The following MKRN2OS variants were observed in gnomAD, a reference collection of about 807,000 sequenced individuals.
MKRN2OS encodes MKRN2 opposite strand protein.
In MKRN2OS, 17 loss-of-function variants were observed where a neutral mutation model predicts 18.2. That is an observed-to-expected ratio of 0.93 (90% CI 0.64 to 1.40). The LOEUF is 1.40. Ranked by LOEUF, MKRN2OS falls within the 40% of genes most tolerant of loss-of-function variation. The pLI is 0.00. For missense variants in MKRN2OS, 337 were observed against 283.0 expected, an observed-to-expected ratio of 1.19 and a Z score of -1.37; for synonymous variants, 121 against 108.5, an observed-to-expected ratio of 1.12 and a Z score of -0.72.
At chr3:12,547,654 T>A (rs914222633), upstream of MKRN2OS, among the ~76,000 whole-genome samples, 1 of 152,224 alleles carries the variant, frequency 6.6e-6, no homozygotes, top group African/African-American at 2.4e-5. Flanking sequence ...TCATTTCAGA[T>A]TTCATGGGAA....
At chr3:12,541,526 T>A (rs2057813120) in intron 3 of MKRN2OS, among the ~76,000 whole-genome samples, 2 of 151,938 alleles carry the variant, frequency 1.3e-5, no homozygotes, top group Admixed American at 1.3e-4. Flanking sequence ...GCCTGAATAT[T>A]GTTTTTTTTA....
In MKRN2OS at chr3:12,543,243, G is replaced by C; in HGVS notation, c.219-14C>G. ...CCATCATACTCTCTGAAAGAAACAAGGTTTGTTTTTTTTTGGTTTGCATGT... is the reference window on the plus strand; with the variant it reads ...CCATCATACTCTCTGAAAGAAACAACGTTTGTTTTTTTTTGGTTTGCATGT... On this transcript the variant is annotated splice_polypyrimidine_tract_variant and intron_variant, in intron 1 of 3. Transcript: ENST00000564146. The C allele has an allele frequency of 6.6e-7, 1 of 1,526,370 alleles. No homozygotes were observed. The highest frequency in any genetic ancestry group is 8.7e-7 in the Non-Finnish European group (1 of 1,143,956). The allele number at this position is 1,526,370 out of a possible 1,614,324, so 94.6% of individuals were successfully genotyped here.
Position 12,540,446 on chromosome 3 carries a change from A to C in MKRN2OS, c.432-13T>G. The C allele has an allele frequency of 1.3e-6, 2 of 1,535,822 alleles. No individual in the cohort carries two copies. The highest frequency in any genetic ancestry group is 1.7e-6 in the Non-Finnish European group (2 of 1,146,782). ...GTTGTCTTCATACCTTATGGAGGAG[A>C]ATAAGGGTGTTGAGAAGAAAAGGCT... is the stretch of plus-strand genomic sequence containing the variant. On this transcript the variant is annotated splice_polypyrimidine_tract_variant and intron_variant, in intron 3 of 3. Transcript: ENST00000564146.
chr3:12,541,835 G>C lies in MKRN2OS; in HGVS notation c.431+25C>G, dbSNP rs1052927583. 5 of 1,530,536 alleles carry C rather than the reference G, an allele frequency of 3.3e-6. No homozygotes were observed. In the African/African-American group the frequency reaches 4.1e-5, roughly 13 times the overall value. 94.8% of individuals were successfully genotyped at this position (1,530,536 alleles called of 1,614,324 possible). A position where few individuals can be genotyped will look rare whatever the true frequency, so the allele number is the denominator to read the frequency against. On this transcript the variant is annotated intron_variant, in intron 3 of 3. Coordinates refer to ENST00000564146, the MANE Select transcript of MKRN2OS (RefSeq NM_001195279.2). ...TTGCATAGCATGTGAGTGTCAGCGA[G>C]GGGGCAGCATTTGCAGTCGTGTACC...
intron 1 of MKRN2OS, chr3:12,557,277 A>G: frequency 6.9e-7 from 1 of 1,446,872 alleles, no homozygotes; most frequent in Non-Finnish European, 9.2e-7. Flanking sequence ...CTAGAGCGGG[A>G]CTCGGAAAGT....
intron 2 of MKRN2OS, among the ~76,000 whole-genome samples, chr3:12,542,890 C>G (rs758840653): frequency 6.6e-6 from 1 of 152,136 alleles, no homozygotes; most frequent in Non-Finnish European, 1.5e-5. Flanking sequence ...GTCAATCTCA[C>G]TGGACATCTA....
chr3:12,541,777 C>T, intron 3 of MKRN2OS, 83 bp downstream of exon 3: 4 of 1,381,752 alleles, frequency 2.9e-6, no homozygotes, highest in Non-Finnish European at 3.9e-6. Flanking sequence ...GCTGCTGAGT[C>T]CTCTGTGAGC....
At chr3:12,541,714 A>G (rs2057816538) in intron 3 of MKRN2OS, 146 bp downstream of exon 3, 2 of 891,904 alleles carry the variant, frequency 2.2e-6, no homozygotes, top group Non-Finnish European at 3.3e-6. Flanking sequence ...ACCTCTGTTT[A>G]AATTCTGTTA....
chr3:12,547,862 TATAAC>T (rs576082408), upstream of MKRN2OS, among the ~76,000 whole-genome samples: 931 of 152,284 alleles, frequency 6.1e-3, 5 homozygotes, highest in Non-Finnish European at 8.9e-3. Context: ...TCTCCAGTGT[TATAAC>T]ATGAGAATGA....
chr3:12,551,464 C>T (rs902342257), downstream of MKRN2OS, among the ~76,000 whole-genome samples: 6 of 150,294 alleles, frequency 4.0e-5, no homozygotes, highest in African/African-American at 1.5e-4. Context: ...CTCTGCACTC[C>T]AGCCTGGGCA....
upstream of MKRN2OS, among the ~76,000 whole-genome samples, chr3:12,547,041 G>A (rs760888006): frequency 6.6e-6 from 1 of 151,440 alleles, no homozygotes; most frequent in Non-Finnish European, 1.5e-5. Flanking sequence ...CTGGAAGGTC[G>A]AGGGTGCCTT....
chr3:12,549,947 CA>C (rs1409644760), upstream of MKRN2OS, among the ~76,000 whole-genome samples: 3 of 152,106 alleles, frequency 2.0e-5, no homozygotes, highest in African/African-American at 7.2e-5. Context: ...CTGAGAATAC[CA>C]AATACTGGAG....
chr3:12,544,683 G>GAA (rs34704258), intron 1 of MKRN2OS, among the ~76,000 whole-genome samples: 107 of 147,626 alleles, frequency 7.2e-4, no homozygotes, highest in African/African-American at 2.4e-3. Flanking sequence ...CTGTCTCGGG[G>GAA]AAAAAAAAAA....
At chr3:12,555,879 G>T in intron 1 of MKRN2OS, among the ~76,000 whole-genome samples, 1 of 152,186 alleles carries the variant, frequency 6.6e-6, no homozygotes. Context: ...ATTCCCAGCT[G>T]CTGGGGAGGT....
intron 1 of MKRN2OS, among the ~76,000 whole-genome samples, chr3:12,543,594 A>C (rs1464809128): frequency 1.3e-5 from 2 of 151,350 alleles, no homozygotes; most frequent in East Asian, 3.9e-4. Context: ...CCAAGAAAAT[A>C]AATAGAGCCA....
At chr3:12,544,983 A>G (rs761020922) in intron 1 of MKRN2OS, among the ~76,000 whole-genome samples, 1 of 152,220 alleles carries the variant, frequency 6.6e-6, no homozygotes, top group African/African-American at 2.4e-5. Context: ...CTCTGAGCAC[A>G]TATTTTTCTC....
chr3:12,543,374 GC>G, intron 1 of MKRN2OS, 145 bp from the exon 2 acceptor site: 1 of 627,884 alleles, frequency 1.6e-6, no homozygotes, highest in South Asian at 2.0e-5. Context: ...ATCACTTGAG[GC>G]CAGGAGTTTG....
chr3:12,545,248 T>C lies in MKRN2OS; in HGVS notation c.217A>G (p.Arg73Gly). Residue 73 changes from arginine to glycine, a missense_variant and splice_region_variant, in exon 1 of 4, where the codon AGA (arginine) becomes GGA (glycine). Transcript: ENST00000564146. ...LLRPTQGTFL[R>G]EYDGRSDLHV... ...TTAACACTGTAAAAAACACTGTACC[T>C]AAGAAATGTCCCCTGAGTTGGTCTG... 1 of 1,532,068 alleles carries C rather than the reference T, an allele frequency of 6.5e-7. No homozygotes were observed. The highest frequency in any genetic ancestry group is 8.7e-7 in the Non-Finnish European group (1 of 1,144,332). 94.9% of individuals were successfully genotyped at this position (1,532,068 alleles called of 1,614,324 possible).
At chr3:12,542,460 A>G (rs1348260950) in intron 2 of MKRN2OS, among the ~76,000 whole-genome samples, 1 of 152,136 alleles carries the variant, frequency 6.6e-6, no homozygotes, top group Non-Finnish European at 1.5e-5. Context: ...TAAGTCCAGA[A>G]CTGTTCTGGG....
Sources: gnomAD v4.1 joint callset for allele counts (sites outside exome capture counted in the v4.1 genomes callset) on GRCh38, gnomAD v4.1.1 for gene constraint, MANE v1.5 for transcripts, NCBI Gene and HGNC (gene_info 2026-07-23, HGNC 2026-07-21) for gene names.